Variants in DAB1 observed in about 807,000 individuals in gnomAD.
DAB1 encodes the protein disabled homolog 1.
A neutral mutation model predicts 64.6 loss-of-function variants in DAB1; 15 were observed. The ratio of observed to expected loss-of-function variants is 0.23; its 90% CI spans 0.16 to 0.36. DAB1 has a LOEUF of 0.36. Among genes scored for constraint, DAB1 ranks in the 10% least tolerant of loss-of-function variants. DAB1 has a pLI of 1.00. For missense variants in DAB1, 596 were observed against 706.7 expected, an observed-to-expected ratio of 0.84 and a Z score of 1.78; for synonymous variants, 235 against 251.9, an observed-to-expected ratio of 0.93 and a Z score of 0.64.
At chr1:57,012,465 C>G (rs1311683840) in intron 12 of DAB1, among the ~76,000 whole-genome samples, 1 of 152,160 alleles carries the variant, frequency 6.6e-6, no homozygotes, top group East Asian at 1.9e-4. Flanking sequence ...AATAGCAGCA[C>G]TGGCATTTAA....
intron 1 of DAB1, among the ~76,000 whole-genome samples, chr1:57,331,364 A>G (rs1345115844): frequency 6.6e-6 from 1 of 152,220 alleles, no homozygotes; most frequent in African/African-American, 2.4e-5. Flanking sequence ...AAATTTATAA[A>G]TTGGCATAGA....
chr1:57,963,833 T>C (rs903294221), intron 5 of DAB1, among the ~76,000 whole-genome samples: 17 of 152,150 alleles, frequency 1.1e-4, no homozygotes, highest in Middle Eastern at 3.2e-3. Context: ...CCGCACACAT[T>C]TGGCAGTGCT....
chr1:58,393,435 TC>T lies in DAB1; in HGVS notation n.258-50033del, dbSNP rs1644493070. ...ACGCTAAGAGTTTTATATGCACTAT[TC>T]CTTTTAATCTTCACAAACTCTAAGA... On this transcript the variant is annotated intron_variant and non_coding_transcript_variant, in intron 3 of 20. Transcript: ENST00000485760. 2.0e-5 allele frequency among the ~76,000 whole-genome samples: 3 copies of T among 152,338 alleles called. No homozygotes were observed. The South Asian group carries it at 6.2e-4, about 32-fold the overall frequency.
chr1:58,432,779 C>A (rs1644893876), intron 3 of DAB1, among the ~76,000 whole-genome samples: 1 of 152,140 alleles, frequency 6.6e-6, no homozygotes, highest in African/African-American at 2.4e-5. Context: ...GGAGTCTGGG[C>A]ACTTTCTGTG....
At chr1:57,360,872 T>C (rs1488530350) in intron 1 of DAB1, among the ~76,000 whole-genome samples, 1 of 152,156 alleles carries the variant, frequency 6.6e-6, no homozygotes, top group African/African-American at 2.4e-5. Flanking sequence ...GTCTCATTTT[T>C]TCTGGAGGAA....
At chr1:57,423,505 A>G (rs893601364) in intron 1 of DAB1, among the ~76,000 whole-genome samples, 2 of 151,644 alleles carry the variant, frequency 1.3e-5, no homozygotes, top group Non-Finnish European at 2.9e-5. Context: ...CCAGCGAGGG[A>G]GGGAGGGAGT....
At chr1:57,702,664 G>C (rs895649856) in intron 6 of DAB1, among the ~76,000 whole-genome samples, 2 of 152,126 alleles carry the variant, frequency 1.3e-5, no homozygotes, top group Non-Finnish European at 2.9e-5. Flanking sequence ...TCAGAATCTA[G>C]AGCAGTACTT....
chr1:58,254,843 C>T lies in DAB1; in HGVS notation n.309+88509G>A, dbSNP rs1660891037. Reference sequence around the variant, plus strand: ...GTCTTTGCTATTGTGAATAATGCCGCAATAAACATACGTCTTTATAGCCGC... The same window carrying T: ...GTCTTTGCTATTGTGAATAATGCCGTAATAAACATACGTCTTTATAGCCGC... On this transcript the variant is annotated intron_variant and non_coding_transcript_variant, in intron 4 of 20. Coordinates refer to the DAB1 transcript ENST00000485760. Among the ~76,000 whole-genome samples, 2 of 82,254 alleles carry T rather than the reference C, an allele frequency of 2.4e-5. 1 individual carries two copies. The highest frequency in any genetic ancestry group is 1.2e-3 in the South Asian group (2 of 1,722). 54.0% of individuals were successfully genotyped at this position (82,254 alleles called of 152,430 possible).
intron 5 of DAB1, among the ~76,000 whole-genome samples, chr1:57,992,993 C>T (rs181382703): frequency 1.1e-4 from 17 of 152,226 alleles, no homozygotes; most frequent in African/African-American, 3.1e-4. Flanking sequence ...ATGTAAATCT[C>T]AGTACACCTT....
chr1:57,754,512 C>T (rs1016985796), intron 6 of DAB1, among the ~76,000 whole-genome samples: 2 of 151,658 alleles, frequency 1.3e-5, no homozygotes, highest in South Asian at 4.2e-4. Context: ...ATGGTAAAAC[C>T]CCGTCTCTAC....
At chr1:57,296,300 T>A (rs1434934778) in intron 1 of DAB1, among the ~76,000 whole-genome samples, 2 of 152,172 alleles carry the variant, frequency 1.3e-5, no homozygotes, top group East Asian at 3.9e-4. Flanking sequence ...TGTATATAAA[T>A]GTATAGGTAT....
chr1:57,583,849 T>C (rs972333550), intron 7 of DAB1, among the ~76,000 whole-genome samples: 1 of 152,204 alleles, frequency 6.6e-6, no homozygotes, highest in Non-Finnish European at 1.5e-5. Context: ...GAGACCTTGG[T>C]TCTTCTCTGG....
intron 5 of DAB1, among the ~76,000 whole-genome samples, chr1:58,129,304 T>C (rs1653358642): frequency 6.6e-6 from 1 of 150,866 alleles, no homozygotes; most frequent in Non-Finnish European, 1.5e-5. Flanking sequence ...GGTGGTGATA[T>C]CCCCTTTATC....
intron 2 of DAB1, among the ~76,000 whole-genome samples, chr1:57,207,450 T>TTTTTTTTTTTTTTTTTTTTTTC (rs1665663975): frequency 8.9e-6 from 1 of 112,432 alleles, no homozygotes; most frequent in African/African-American, 3.1e-5. Context: ...TCCTTTCTTT[T>TTTTTTTTTTTTTTTTTTTTTTC]TTTTTTTTTT....
intron 4 of DAB1, among the ~76,000 whole-genome samples, chr1:58,281,085 G>A (rs1661552197): frequency 6.6e-6 from 1 of 152,144 alleles, no homozygotes; most frequent in Non-Finnish European, 1.5e-5. Flanking sequence ...GAGCAAGAAG[G>A]AAACTCCTTT....
intron 2 of DAB1, among the ~76,000 whole-genome samples, chr1:57,284,488 G>A: frequency 6.6e-6 from 1 of 152,162 alleles, no homozygotes; most frequent in East Asian, 1.9e-4. Context: ...ACATCCATTT[G>A]GTGGCTGAGA....
intron 3 of DAB1, among the ~76,000 whole-genome samples, chr1:58,484,897 TAGGGGGAGGG>T (rs1014331243): frequency 4.6e-5 from 7 of 151,968 alleles, no homozygotes; most frequent in African/African-American, 1.7e-4. Context: ...TGCCAGGGGC[TAGGGGGAGGG>T]AGGAATGAGT....
At chr1:57,320,169 G>A (rs1675584160) in intron 1 of DAB1, among the ~76,000 whole-genome samples, 1 of 152,196 alleles carries the variant, frequency 6.6e-6, no homozygotes, top group Non-Finnish European at 1.5e-5. Flanking sequence ...GGAGAGGACT[G>A]TATTATGGGG....
intron 2 of DAB1, among the ~76,000 whole-genome samples, chr1:57,146,006 C>T (rs1659088766): frequency 6.6e-6 from 1 of 152,210 alleles, no homozygotes; most frequent in Non-Finnish European, 1.5e-5. Flanking sequence ...GGAAAATAGG[C>T]TTCCACACTA....
Sources: allele counts gnomAD v4.1 joint callset (sites outside exome capture counted in the v4.1 genomes callset), GRCh38; gene constraint gnomAD v4.1.1; transcripts MANE v1.5; gene names NCBI Gene and HGNC (gene_info 2026-07-23, HGNC 2026-07-21).